Variants in DPP10 observed in about 807,000 individuals in gnomAD.
The protein encoded by DPP10 is inactive dipeptidyl peptidase 10.
DPP10 carries 33 observed loss-of-function variants against 120.9 expected under a neutral mutation model. The ratio of observed to expected loss-of-function variants is 0.27; its 90% CI spans 0.21 to 0.37. DPP10 has a LOEUF of 0.37. DPP10 is among the 10% of genes least tolerant of loss of function. DPP10 has a pLI of 1.00. For synonymous variants in DPP10, 337 were observed against 326.1 expected, an observed-to-expected ratio of 1.03 and a Z score of -0.36; for missense variants, 816 against 942.8, an observed-to-expected ratio of 0.87 and a Z score of 1.76.
At chr2:114,892,153 T>C (rs1692593877) in intron 1 of DPP10, among the ~76,000 whole-genome samples, 1 of 152,220 alleles carries the variant, frequency 6.6e-6, no homozygotes, top group Non-Finnish European at 1.5e-5. Context: ...CTTAATTCTC[T>C]TCAACAAACA....
intron 5 of DPP10, among the ~76,000 whole-genome samples, chr2:115,680,261 T>G (rs2090557379): frequency 6.6e-6 from 1 of 151,928 alleles, no homozygotes; most frequent in African/African-American, 2.4e-5. Flanking sequence ...TAACTAGAAT[T>G]TAATAAGAAT....
intron 1 of DPP10, among the ~76,000 whole-genome samples, chr2:114,754,084 A>G (rs1370110470): frequency 6.6e-6 from 1 of 152,156 alleles, no homozygotes; most frequent in Non-Finnish European, 1.5e-5. Context: ...CGCAGTTCAA[A>G]CTGGAAGATT....
intron 7 of DPP10, among the ~76,000 whole-genome samples, chr2:115,718,799 C>T (rs1009873356): frequency 6.6e-6 from 1 of 151,754 alleles, no homozygotes; most frequent in Admixed American, 6.6e-5. Context: ...TGATAATGGG[C>T]TCGAAGAAGG....
chr2:115,641,624 TCTG>T (rs2086789495), intron 5 of DPP10, among the ~76,000 whole-genome samples: 1 of 152,198 alleles, frequency 6.6e-6, no homozygotes, highest in African/African-American at 2.4e-5. Flanking sequence ...TTATTAGTTT[TCTG>T]CTATTATACC....
intron 1 of DPP10, among the ~76,000 whole-genome samples, chr2:114,812,940 G>C (rs775563983): frequency 6.6e-6 from 1 of 152,078 alleles, no homozygotes; most frequent in Non-Finnish European, 1.5e-5. Context: ...CCATGATTCC[G>C]TATTTTTTAA....
At chr2:115,028,636 C>T in intron 1 of DPP10, among the ~76,000 whole-genome samples, 1 of 152,084 alleles carries the variant, frequency 6.6e-6, no homozygotes, top group South Asian at 2.1e-4. Flanking sequence ...TTTTTGTCCA[C>T]TACTGAAAGT....
chr2:115,002,479 A>T (rs1420857502), intron 1 of DPP10, among the ~76,000 whole-genome samples: 1 of 152,168 alleles, frequency 6.6e-6, no homozygotes, highest in Non-Finnish European at 1.5e-5. Flanking sequence ...TTTATGACAG[A>T]GTCCAAAAGC....
At chr2:114,473,399 T>G (rs1258594554) in intron 1 of DPP10, among the ~76,000 whole-genome samples, 3 of 152,246 alleles carry the variant, frequency 2.0e-5, no homozygotes, top group Non-Finnish European at 4.4e-5. Flanking sequence ...CCTAATATTA[T>G]GCTTCAAGAC....
intron 1 of DPP10, among the ~76,000 whole-genome samples, chr2:115,301,084 C>T (rs982781452): frequency 3.9e-5 from 6 of 151,936 alleles, no homozygotes; most frequent in African/African-American, 1.4e-4. Flanking sequence ...CCCAATTTCC[C>T]CATAGACGGG....
At position 115,130,866 on chromosome 2, in the gene DPP10, C is replaced by CTTAA. The variant is rs1292277441; in HGVS notation, c.61-178372_61-178369dup. 2.0e-5 allele frequency: 3 copies of CTTAA among 152,364 alleles called. No individual in the cohort carries two copies. The East Asian group carries it at 5.8e-4, about 29-fold the overall frequency. 9.4% of individuals were successfully genotyped at this position (152,364 alleles called of 1,614,324 possible). On this transcript the variant is annotated intron_variant, in intron 1 of 25. Transcript: ENST00000410059. ...TGTCAATTCCACTGTCTTAACAACT[C>CTTAA]TTAAGTCTATCTTGCCTTCCTATCA...
intron 21 of DPP10, among the ~76,000 whole-genome samples, chr2:115,829,563 T>A (rs2100069): frequency 6.6e-6 from 1 of 152,094 alleles, no homozygotes; most frequent in Admixed American, 6.5e-5. Context: ...AATTAAAATT[T>A]GTTTCAACAG....
intron 3 of DPP10, among the ~76,000 whole-genome samples, chr2:115,388,187 A>C (rs1385370238): frequency 6.6e-6 from 1 of 152,264 alleles, no homozygotes; most frequent in Non-Finnish European, 1.5e-5. Flanking sequence ...CAAATGTAAA[A>C]AACTGAATAT....
chr2:114,961,278 T>C (rs1433887151), intron 1 of DPP10, among the ~76,000 whole-genome samples: 1 of 152,068 alleles, frequency 6.6e-6, no homozygotes, highest in South Asian at 2.1e-4. Context: ...GGTCTCGAAC[T>C]CCCGACCTCA....
At chr2:115,674,379 CATG>C (rs952341712) in intron 5 of DPP10, among the ~76,000 whole-genome samples, 15 of 151,006 alleles carry the variant, frequency 9.9e-5, no homozygotes, top group African/African-American at 3.6e-4. Flanking sequence ...CTACATACTT[CATG>C]ATGTTTTTTT....
intron 1 of DPP10, among the ~76,000 whole-genome samples, chr2:114,912,527 C>G (rs1260235656): frequency 6.6e-6 from 1 of 151,882 alleles, no homozygotes; most frequent in Non-Finnish European, 1.5e-5. Context: ...TAGGCATAGC[C>G]AAGAAGAGCT....
At chr2:115,053,836 A>G (rs79887265) in intron 1 of DPP10, among the ~76,000 whole-genome samples, 5,698 of 152,250 alleles carry the variant, frequency 0.037, 158 homozygotes, top group Middle Eastern at 0.071. Context: ...AGTACAGTAC[A>G]TTTTTACTAG....
At chr2:115,442,697 A>G (rs1179941188) in intron 3 of DPP10, among the ~76,000 whole-genome samples, 1 of 152,174 alleles carries the variant, frequency 6.6e-6, no homozygotes, top group African/African-American at 2.4e-5. Flanking sequence ...AATTTACTAA[A>G]TATAATTTGT....
intron 2 of DPP10, among the ~76,000 whole-genome samples, chr2:115,317,175 C>CCA (rs2061836739): frequency 6.6e-6 from 1 of 151,978 alleles, no homozygotes; most frequent in Non-Finnish European, 1.5e-5. Context: ...TCCTCATATC[C>CCA]CACCTCAGTT....
intron 1 of DPP10, among the ~76,000 whole-genome samples, chr2:114,919,595 A>G (rs1166869288): frequency 6.6e-6 from 1 of 152,228 alleles, no homozygotes; most frequent in Non-Finnish European, 1.5e-5. Flanking sequence ...CTGTAAAGTT[A>G]AACTCAATCT....
Sources: gnomAD v4.1 joint callset for allele counts (sites outside exome capture counted in the v4.1 genomes callset) on GRCh38, gnomAD v4.1.1 for gene constraint, MANE v1.5 for transcripts, NCBI Gene and HGNC (gene_info 2026-07-23, HGNC 2026-07-21) for gene names.